The following RAI14 variants were observed in gnomAD, a reference collection of about 807,000 sequenced individuals.
The protein encoded by RAI14 is ankycorbin.
In RAI14, 45 loss-of-function variants were observed where a neutral mutation model predicts 115.4. The observed-to-expected ratio is 0.39, with a 90% CI of 0.31 to 0.50. RAI14 has a LOEUF of 0.50. RAI14 is among the 20% of genes least tolerant of loss of function. The pLI, the probability that RAI14 is intolerant of heterozygous loss-of-function variation, is 0.85. For missense variants in RAI14, 939 were observed against 1,131.2 expected, an observed-to-expected ratio of 0.83 and a Z score of 2.44; for synonymous variants, 371 against 415.4, an observed-to-expected ratio of 0.89 and a Z score of 1.30.
rs752640388 is a variant in RAI14, at chr5:34,811,736, G to GACTTT, written c.558-31_558-30insACTTT. 4.0e-5 allele frequency: 63 copies of GACTTT among 1,567,512 alleles called. No homozygotes were observed. In the African/African-American group the frequency reaches 7.9e-4, roughly 20 times the overall value. ...AAGAAAGACTTTTTACATTCTCTTA[G>GACTTT]TACTAATTTTGTGTCTCTTTTTTCC... On this transcript the variant is annotated intron_variant, in intron 8 of 17. Transcript: ENST00000265109.
chr5:34,743,646 A>C (rs1021648008), intron 2 of RAI14, among the ~76,000 whole-genome samples: 1 of 152,090 alleles, frequency 6.6e-6, no homozygotes, highest in African/African-American at 2.4e-5. Flanking sequence ...TTGGACTCCT[A>C]CCCTAACCTT....
At chr5:34,773,257 AC>A (rs1490034495) in intron 3 of RAI14, among the ~76,000 whole-genome samples, 1 of 152,196 alleles carries the variant, frequency 6.6e-6, no homozygotes, top group Non-Finnish European at 1.5e-5. Flanking sequence ...ACAAATATCA[AC>A]TCACAATGGA....
chr5:34,714,407 G>A lies in RAI14; in HGVS notation c.36+27452G>A, dbSNP rs980895718. Among the ~76,000 whole-genome samples the A allele has an allele frequency of 6.6e-5, 10 of 152,148 alleles. No individual in the cohort carries two copies. In the South Asian group the frequency reaches 8.3e-4, roughly 13 times the overall value. On this transcript the variant is annotated intron_variant, in intron 2 of 17. Transcript: ENST00000265109. ...GTTGGGTTATCTGGGACAGGGATAC[G>A]GAGGGAAGCAAAACTAAGTATATGT... is the stretch of plus-strand genomic sequence containing the variant.
At chr5:34,726,452 G>A (rs896229532) in intron 2 of RAI14, among the ~76,000 whole-genome samples, 1 of 152,042 alleles carries the variant, frequency 6.6e-6, no homozygotes, top group Non-Finnish European at 1.5e-5. Context: ...TCATGAGAAC[G>A]CACTCACTAT....
intron 3 of RAI14, among the ~76,000 whole-genome samples, chr5:34,764,042 T>G (rs113000503): frequency 0.05 from 7,635 of 152,160 alleles, 412 homozygotes; most frequent in African/African-American, 0.14. Context: ...GTAGAGGTGG[T>G]GTTTCACCAT....
intron 3 of RAI14, among the ~76,000 whole-genome samples, chr5:34,763,136 T>G (rs1383117490): frequency 6.6e-6 from 1 of 152,176 alleles, no homozygotes; most frequent in East Asian, 1.9e-4. Context: ...TAATAAGGGC[T>G]TCTCTGGCTG....
At chr5:34,825,619 G>C (rs554376024) in intron 15 of RAI14, among the ~76,000 whole-genome samples, 11 of 152,058 alleles carry the variant, frequency 7.2e-5, no homozygotes, top group Non-Finnish European at 1.2e-4. Flanking sequence ...GTGGGGAGCC[G>C]GCAATTTGAG....
At chr5:34,664,385 C>G (rs2149843080) in intron 1 of RAI14, among the ~76,000 whole-genome samples, 1 of 146,954 alleles carries the variant, frequency 6.8e-6, no homozygotes, top group South Asian at 2.2e-4. Context: ...CCACTGCACT[C>G]CAGCCTGGGT....
intron 2 of RAI14, among the ~76,000 whole-genome samples, chr5:34,740,755 G>A (rs1745415069): frequency 6.6e-6 from 1 of 152,100 alleles, no homozygotes; most frequent in Non-Finnish European, 1.5e-5. Flanking sequence ...GCTGACCTCT[G>A]CCTTTAGACA....
chr5:34,692,038 G>A (rs888749643), intron 2 of RAI14, among the ~76,000 whole-genome samples: 4 of 152,178 alleles, frequency 2.6e-5, no homozygotes, highest in Non-Finnish European at 5.9e-5. Flanking sequence ...CAAGGTGGGT[G>A]GATCACCTGA....
At chr5:34,805,247 TA>T (rs1397496723) in intron 5 of RAI14, among the ~76,000 whole-genome samples, 26 of 152,300 alleles carry the variant, frequency 1.7e-4, no homozygotes, top group Admixed American at 1.1e-3. Flanking sequence ...GGATGGTGGT[TA>T]AAACCTCAGC....
chr5:34,747,981 A>C (rs1746506877), intron 2 of RAI14, among the ~76,000 whole-genome samples: 1 of 152,206 alleles, frequency 6.6e-6, no homozygotes, highest in Non-Finnish European at 1.5e-5. Flanking sequence ...GGAAGAGAGC[A>C]TGGGGGACCC....
chr5:34,779,709 G>A (rs888222063), intron 3 of RAI14, among the ~76,000 whole-genome samples: 3 of 152,150 alleles, frequency 2.0e-5, no homozygotes, highest in African/African-American at 7.2e-5. Flanking sequence ...ACTACTCAAC[G>A]AAATAAAAGA....
intron 13 of RAI14, among the ~76,000 whole-genome samples, chr5:34,820,971 G>T (rs1756762021): frequency 6.6e-6 from 1 of 152,206 alleles, no homozygotes; most frequent in African/African-American, 2.4e-5. Flanking sequence ...AGATTCTGCA[G>T]GGCAATCCTG....
chr5:34,730,393 C>T (rs538325502), intron 2 of RAI14, among the ~76,000 whole-genome samples: 1 of 152,210 alleles, frequency 6.6e-6, no homozygotes, highest in Non-Finnish European at 1.5e-5. Context: ...AATTTATTGG[C>T]CAGGCATGGA....
intron 2 of RAI14, 79 bp from the exon 3 acceptor site, chr5:34,757,389 G>A: frequency 6.6e-7 from 1 of 1,517,050 alleles, no homozygotes; most frequent in South Asian, 1.1e-5. Context: ...GGTGGGGGCT[G>A]CGAGGACTGC....
intron 2 of RAI14, among the ~76,000 whole-genome samples, chr5:34,702,005 G>T (rs1387495202): frequency 6.6e-6 from 1 of 151,798 alleles, no homozygotes; most frequent in Admixed American, 6.6e-5. Context: ...GTAGAGACAG[G>T]GTTTCACCAT....
chr5:34,829,917 T>A, intron 17 of RAI14, 120 bp downstream of exon 17: 1 of 849,044 alleles, frequency 1.2e-6, no homozygotes, highest in Non-Finnish European at 1.8e-6. Flanking sequence ...TCCTTTTCAC[T>A]GGAAAGCCTG....
intron 2 of RAI14, among the ~76,000 whole-genome samples, chr5:34,695,578 CAAAG>C (rs1345475356): frequency 6.6e-6 from 1 of 152,096 alleles, no homozygotes; most frequent in Admixed American, 6.6e-5. Context: ...GACATTGTAC[CAAAG>C]AAAGACTGTG....
Sources: allele counts gnomAD v4.1 joint callset (sites outside exome capture counted in the v4.1 genomes callset), GRCh38; gene constraint gnomAD v4.1.1; transcripts MANE v1.5; gene names NCBI Gene and HGNC (gene_info 2026-07-23, HGNC 2026-07-21).